The following FBXO34 variants were observed in gnomAD, a reference collection of about 807,000 sequenced individuals.
FBXO34 encodes F-box protein 34, also known as F-box only protein 34.
In FBXO34, 12 loss-of-function variants were observed where a neutral mutation model predicts 24.5. That is an observed-to-expected ratio of 0.49 (90% confidence interval 0.31 to 0.79). The LOEUF is 0.79. Among genes scored for constraint, FBXO34 ranks in the 30% least tolerant of loss-of-function variants. FBXO34 has a pLI of 0.04. For missense variants in FBXO34, 823 were observed against 857.7 expected, an observed-to-expected ratio of 0.96 and a Z score of 0.51; for synonymous variants, 320 against 311.9, an observed-to-expected ratio of 1.03 and a Z score of -0.27.
the FBXO34 span, among the ~76,000 whole-genome samples, chr14:55,398,690 G>A: frequency 2.6e-5 from 4 of 152,044 alleles, no homozygotes; most frequent in Admixed American, 2.0e-4. Context: ...ATGGTATGCC[G>A]TGGAGAAAGT....
chr14:55,298,948 A>G (rs1474129831), intron 1 of FBXO34: 4 of 1,582,414 alleles, frequency 2.5e-6, no homozygotes, highest in East Asian at 4.5e-5. Context: ...TCTGCAGCCA[A>G]GGCCAAGAAG....
chr14:55,295,991 A>C (rs900424221), intron 1 of FBXO34, among the ~76,000 whole-genome samples: 3 of 152,194 alleles, frequency 2.0e-5, no homozygotes, highest in African/African-American at 7.2e-5. Flanking sequence ...ATGTTATGTT[A>C]AAGTTAACCA....
chr14:55,377,433 T>TA, the FBXO34 span, among the ~76,000 whole-genome samples: 1 of 151,862 alleles, frequency 6.6e-6, no homozygotes, highest in Non-Finnish European at 1.5e-5. Context: ...GGGCAGACAC[T>TA]AGGTAGGGCT....
At chr14:55,303,034 A>T (rs1882416879) in intron 1 of FBXO34, among the ~76,000 whole-genome samples, 1 of 152,164 alleles carries the variant, frequency 6.6e-6, no homozygotes, top group East Asian at 1.9e-4. Flanking sequence ...CCTCCTAAAG[A>T]TCTTTAATTT....
At chr14:55,321,625 G>A (rs1360635171) in intron 1 of FBXO34, among the ~76,000 whole-genome samples, 2 of 152,130 alleles carry the variant, frequency 1.3e-5, no homozygotes, top group African/African-American at 4.8e-5. Context: ...TCAAACTGCT[G>A]ACATCAAATG....
At chr14:55,400,566 A>G in the FBXO34 span, among the ~76,000 whole-genome samples, 2 of 152,232 alleles carry the variant, frequency 1.3e-5, no homozygotes, top group Non-Finnish European at 1.5e-5. Context: ...AGCCTAGTGC[A>G]CTTTTATAGG....
intron 1 of FBXO34, among the ~76,000 whole-genome samples, 167 bp downstream of exon 1, chr14:55,271,704 C>T (rs1881150497): frequency 6.6e-6 from 1 of 150,606 alleles, no homozygotes. Flanking sequence ...GGGGTAGGGA[C>T]CCGGCCGCCT....
intron 1 of FBXO34, among the ~76,000 whole-genome samples, chr14:55,330,556 G>A (rs112433879): frequency 0.011 from 1,700 of 152,138 alleles, 14 homozygotes; most frequent in Middle Eastern, 0.027. Context: ...GGCGGAGGTG[G>A]GAGGATTGCT....
chr14:55,361,210 A>G (rs1347502449), intron 3 of FBXO34, among the ~76,000 whole-genome samples: 2 of 152,228 alleles, frequency 1.3e-5, no homozygotes, highest in Non-Finnish European at 2.9e-5. Context: ...TATTGGCTGC[A>G]GAATGGATGT....
chr14:55,377,765 C>A, the FBXO34 span: 1 of 1,337,962 alleles, frequency 7.5e-7, no homozygotes. Context: ...ACATACAACT[C>A]CTCTAACAGG....
At chr14:55,336,497 C>T (rs1883779273) in intron 1 of FBXO34, among the ~76,000 whole-genome samples, 1 of 152,150 alleles carries the variant, frequency 6.6e-6, no homozygotes, top group South Asian at 2.1e-4. Context: ...ACATAATGAA[C>T]ATTTTAAGGC....
intron 1 of FBXO34, among the ~76,000 whole-genome samples, chr14:55,340,447 G>C (rs1426547651): frequency 2.7e-5 from 4 of 150,094 alleles, no homozygotes; most frequent in African/African-American, 7.4e-5. Context: ...GAACCTCCCT[G>C]TATTGCTCAG....
rs1429037782 is a variant in FBXO34 at position 55,296,001 on chromosome 14, A to G, written c.-11+24464A>G. Among the ~76,000 whole-genome samples the G allele has an allele frequency of 2.0e-5, 3 of 152,188 alleles. No individual in the cohort carries two copies. In the East Asian group the frequency reaches 5.8e-4, roughly 29 times the overall value. ...CAGTAATGTTATGTTAAAGTTAACC[A>G]ATGCTGTCAGGCACAGTGGCTTGCA... is the stretch of plus-strand genomic sequence containing the variant. On this transcript the variant is annotated intron_variant, in intron 1 of 1. Transcript: ENST00000313833.
chr14:55,276,966 G>A (rs1477068600), intron 1 of FBXO34, among the ~76,000 whole-genome samples: 1 of 152,160 alleles, frequency 6.6e-6, no homozygotes, highest in African/African-American at 2.4e-5. Context: ...AAGGCCAGGT[G>A]AATAAGGATA....
At chr14:55,272,740 T>C (rs1881199184) in intron 1 of FBXO34, among the ~76,000 whole-genome samples, 1 of 152,098 alleles carries the variant, frequency 6.6e-6, no homozygotes, top group African/African-American at 2.4e-5. Flanking sequence ...GGTACCATGC[T>C]ACCACCCCAT....
intron 1 of FBXO34, among the ~76,000 whole-genome samples, chr14:55,338,222 T>C (rs1298005641): frequency 6.6e-6 from 1 of 151,612 alleles, no homozygotes; most frequent in African/African-American, 2.4e-5. Flanking sequence ...GCTAATTTTT[T>C]GTATTTTTAG....
rs540827213 is a variant in FBXO34 at position 55,273,147 on chromosome 14, T to A, written c.-11+1610T>A. 4.6e-5 allele frequency among the ~76,000 whole-genome samples: 7 copies of A among 152,070 alleles called. No individual in the cohort carries two copies. In the South Asian group the frequency reaches 1.4e-3, roughly 31 times the overall value. On this transcript the variant is annotated intron_variant, in intron 1 of 1. Transcript: ENST00000313833. ...TTGGGTAGAAGTCCTTAATCCTTCC[T>A]CACTGACCTTGACTTGTAATGGTAC...
At chr14:55,405,660 C>T in the FBXO34 span, among the ~76,000 whole-genome samples, 1 of 152,198 alleles carries the variant, frequency 6.6e-6, no homozygotes, top group African/African-American at 2.4e-5. Flanking sequence ...CAGGTATCTA[C>T]TGGGTAGCAG....
At chr14:55,417,897 G>A in the FBXO34 span, among the ~76,000 whole-genome samples, 2,620 of 152,282 alleles carry the variant, frequency 0.017, 85 homozygotes, top group African/African-American at 0.06. Flanking sequence ...GGGCTTAAGT[G>A]CCAGCTCTAC....
Sources: gnomAD v4.1 joint callset for allele counts (sites outside exome capture counted in the v4.1 genomes callset) on GRCh38, gnomAD v4.1.1 for gene constraint, MANE v1.5 for transcripts, NCBI Gene and HGNC (gene_info 2026-07-23, HGNC 2026-07-21) for gene names.